The following GALNT13 variants were observed in gnomAD, a reference collection of about 807,000 sequenced individuals.
GALNT13 encodes the protein UDP-GalNAc:polypeptide N-acetylgalactosaminyltransferase 13.
In GALNT13, 28 loss-of-function variants were observed where a neutral mutation model predicts 64.2. The ratio of observed to expected loss-of-function variants is 0.44; its 90% CI spans 0.32 to 0.60. GALNT13 has a LOEUF of 0.60. Among genes scored for constraint, GALNT13 ranks in the 20% least tolerant of loss-of-function variants. The probability of loss-of-function intolerance (pLI) is 0.05; values close to 1 mark genes in which losing one functional copy is unlikely to be tolerated. For synonymous variants in GALNT13, 214 were observed against 224.6 expected, an observed-to-expected ratio of 0.95 and a Z score of 0.42; for missense variants, 577 against 669.8, an observed-to-expected ratio of 0.86 and a Z score of 1.53.
At chr2:153,542,180 C>T in the GALNT13 span, among the ~76,000 whole-genome samples, 39,114 of 151,778 alleles carry the variant, frequency 0.26, 6,623 homozygotes, top group African/African-American at 0.47. Context: ...ATTAGCCAGT[C>T]GTGGTGGCAC....
intron 3 of GALNT13, among the ~76,000 whole-genome samples, chr2:154,136,603 G>A (rs868247338): frequency 6.6e-6 from 1 of 151,958 alleles, no homozygotes; most frequent in Non-Finnish European, 1.5e-5. Context: ...CTTTAACACT[G>A]GGAATTCTAA....
intron 8 of GALNT13, among the ~76,000 whole-genome samples, chr2:154,275,447 A>G (rs1265866158): frequency 6.6e-6 from 1 of 152,174 alleles, no homozygotes; most frequent in Non-Finnish European, 1.5e-5. Context: ...AGGCATCAGT[A>G]TACAGTTCAG....
the GALNT13 span, among the ~76,000 whole-genome samples, chr2:153,144,454 G>C: frequency 6.6e-6 from 1 of 151,912 alleles, no homozygotes; most frequent in Non-Finnish European, 1.5e-5. Flanking sequence ...TCTAAATAAT[G>C]TGTCCTAATT....
At chr2:154,416,304 A>G (rs1459698520) in intron 11 of GALNT13, among the ~76,000 whole-genome samples, 3 of 151,942 alleles carry the variant, frequency 2.0e-5, no homozygotes, top group Non-Finnish European at 2.9e-5. Flanking sequence ...TGATGAGGGA[A>G]AAGTTCATTG....
chr2:153,654,774 A>G, the GALNT13 span, among the ~76,000 whole-genome samples: 6 of 152,262 alleles, frequency 3.9e-5, no homozygotes, highest in South Asian at 8.3e-4. Context: ...AGCCATATGC[A>G]AATACTATGC....
At chr2:153,603,436 A>ATATAT in the GALNT13 span, among the ~76,000 whole-genome samples, 1 of 151,996 alleles carries the variant, frequency 6.6e-6, no homozygotes, top group Non-Finnish European at 1.5e-5. Context: ...ACAGATACCC[A>ATATAT]GATGTTACCA....
the GALNT13 span, among the ~76,000 whole-genome samples, chr2:153,104,104 A>T: frequency 2.6e-5 from 4 of 152,220 alleles, no homozygotes; most frequent in African/African-American, 9.6e-5. Context: ...ATATTTACTG[A>T]ATTAAAGCAC....
intron 3 of GALNT13, among the ~76,000 whole-genome samples, chr2:154,048,214 G>A (rs1699386797): frequency 6.6e-6 from 1 of 152,116 alleles, no homozygotes; most frequent in East Asian, 1.9e-4. Flanking sequence ...CACAAGAACA[G>A]CACTAGGGGA....
chr2:153,532,648 A>G, the GALNT13 span, among the ~76,000 whole-genome samples: 2 of 152,152 alleles, frequency 1.3e-5, no homozygotes, highest in East Asian at 1.9e-4. Context: ...CTTTGTCTTT[A>G]TAAGTTTCAG....
At chr2:153,096,331 T>C in the GALNT13 span, among the ~76,000 whole-genome samples, 2 of 152,106 alleles carry the variant, frequency 1.3e-5, no homozygotes, top group African/African-American at 4.8e-5. Context: ...AGGAACAGAA[T>C]GTGTATTCTA....
At chr2:153,333,319 A>G in the GALNT13 span, among the ~76,000 whole-genome samples, 3 of 152,180 alleles carry the variant, frequency 2.0e-5, no homozygotes, top group Admixed American at 6.5e-5. Flanking sequence ...TTGGATCCCA[A>G]GTGGAAAGGT....
intron 9 of GALNT13, among the ~76,000 whole-genome samples, chr2:154,385,252 T>C (rs1029643017): frequency 2.6e-4 from 39 of 152,136 alleles, no homozygotes; most frequent in African/African-American, 9.4e-4. Flanking sequence ...TTCTGGCTTG[T>C]ATTTAATTGT....
the GALNT13 span, among the ~76,000 whole-genome samples, chr2:153,684,575 T>C: frequency 0.73 from 111,320 of 151,582 alleles, 41,747 homozygotes; most frequent in Middle Eastern, 0.81. Flanking sequence ...ACAATGATTC[T>C]CTCAAATTAT....
intron 4 of GALNT13, among the ~76,000 whole-genome samples, chr2:154,210,056 GT>G (rs979453292): frequency 3.9e-5 from 6 of 152,046 alleles, no homozygotes; most frequent in African/African-American, 1.4e-4. Flanking sequence ...GAGTTTGAAT[GT>G]TTTAGATTCC....
chr2:153,918,264 A>C, intron 2 of GALNT13, among the ~76,000 whole-genome samples: 1 of 152,166 alleles, frequency 6.6e-6, no homozygotes, highest in East Asian at 1.9e-4. Context: ...TTGGAAGGTA[A>C]AAGAAATGGA....
At chr2:154,199,689 A>C (rs1257966086) in intron 4 of GALNT13, among the ~76,000 whole-genome samples, 1 of 152,046 alleles carries the variant, frequency 6.6e-6, no homozygotes. Flanking sequence ...CAGTCTTATA[A>C]TTATGTCATA....
the GALNT13 span, among the ~76,000 whole-genome samples, chr2:153,554,724 CTTCA>C: frequency 5.3e-5 from 8 of 151,374 alleles, no homozygotes; most frequent in South Asian, 6.3e-4. Flanking sequence ...AACTTTGTAC[CTTCA>C]TTGTCTTTTT....
the GALNT13 span, among the ~76,000 whole-genome samples, chr2:153,133,111 T>C: frequency 6.6e-6 from 1 of 151,750 alleles, no homozygotes; most frequent in Non-Finnish European, 1.5e-5. Flanking sequence ...ACTGAAGGAT[T>C]GGAGTAAATC....
the GALNT13 span, among the ~76,000 whole-genome samples, chr2:153,587,571 T>A: frequency 6.6e-6 from 1 of 152,130 alleles, no homozygotes; most frequent in African/African-American, 2.4e-5. Flanking sequence ...TCAGATCTCA[T>A]GAGACTTATT....
Sources: gnomAD v4.1 joint callset for allele counts (sites outside exome capture counted in the v4.1 genomes callset) on GRCh38, gnomAD v4.1.1 for gene constraint, MANE v1.5 for transcripts, NCBI Gene and HGNC (gene_info 2026-07-23, HGNC 2026-07-21) for gene names.